LRP1B: variants seen among roughly 807,000 people sequenced by gnomAD.
LRP1B encodes LDL receptor related protein 1B.
LRP1B carries 217 observed loss-of-function variants against 556.6 expected under a neutral mutation model. The observed-to-expected ratio is 0.39, with a 90% CI of 0.35 to 0.44. The LOEUF (loss-of-function observed/expected upper bound fraction) is 0.44, where lower values mean the gene tolerates loss of function less well. Ranked by LOEUF, LRP1B falls within the 20% of genes least tolerant of loss-of-function variation. LRP1B has a pLI of 1.00. For synonymous variants in LRP1B, 2,047 were observed against 1,865.8 expected (o/e 1.10, Z -2.50); for missense variants, 5,053 against 5,620.8 (o/e 0.90, Z 3.23).
At chr2:141,216,136 G>C (rs775140439) in intron 6 of LRP1B, among the ~76,000 whole-genome samples, 1 of 152,156 alleles carries the variant, frequency 6.6e-6, no homozygotes, top group Non-Finnish European at 1.5e-5. Flanking sequence ...CTGCTGCTCT[G>C]CACAGCCTCA....
intron 3 of LRP1B, among the ~76,000 whole-genome samples, chr2:141,332,075 T>C (rs536518344): frequency 1.3e-5 from 2 of 152,278 alleles, no homozygotes; most frequent in African/African-American, 4.8e-5. Flanking sequence ...TATATGCTGA[T>C]CTTGGCAACT....
At chr2:140,744,530 C>T (rs1180126240) in intron 35 of LRP1B, among the ~76,000 whole-genome samples, 2 of 152,158 alleles carry the variant, frequency 1.3e-5, no homozygotes, top group African/African-American at 4.8e-5. Flanking sequence ...TGTCAGCCGG[C>T]TCACAGAGCG....
chr2:141,597,058 A>G (rs1357231904), intron 2 of LRP1B, among the ~76,000 whole-genome samples: 1 of 62,178 alleles, frequency 1.6e-5, no homozygotes, highest in African/African-American at 1.8e-4. Flanking sequence ...GACATTTTAC[A>G]CACACACACA....
chr2:140,617,178 TTTTC>T (rs1309785440), intron 41 of LRP1B, among the ~76,000 whole-genome samples: 9 of 151,938 alleles, frequency 5.9e-5, no homozygotes, highest in Admixed American at 5.3e-4. Flanking sequence ...TTGATTGCTC[TTTTC>T]TTTTTCTTTT....
chr2:140,748,136 T>A (rs201715706), intron 35 of LRP1B, among the ~76,000 whole-genome samples: 15,355 of 34,978 alleles, frequency 0.44, 2,242 homozygotes, highest in Middle Eastern at 0.55. Flanking sequence ...TATATATATA[T>A]AATTCATATA....
At chr2:140,234,999 C>T (rs1558915427) in intron 89 of LRP1B, 115 bp from the exon 90 acceptor site, 3 of 529,374 alleles carry the variant, frequency 5.7e-6, no homozygotes, top group Non-Finnish European at 1.0e-5. Context: ...AGCCTTACAC[C>T]ATTTACAGTG....
At chr2:141,837,667 C>A (rs1697331390) in intron 1 of LRP1B, among the ~76,000 whole-genome samples, 1 of 152,048 alleles carries the variant, frequency 6.6e-6, no homozygotes, top group South Asian at 2.1e-4. Context: ...ATCTCAGTAT[C>A]TACCAAAGCA....
chr2:141,134,932 T>C (rs900767667), intron 7 of LRP1B, among the ~76,000 whole-genome samples: 5 of 151,912 alleles, frequency 3.3e-5, no homozygotes, highest in African/African-American at 1.2e-4. Flanking sequence ...TATATATATA[T>C]ATATTTGCCC....
intron 35 of LRP1B, among the ~76,000 whole-genome samples, chr2:140,742,113 A>G (rs1003592559): frequency 2.6e-5 from 4 of 152,234 alleles, no homozygotes; most frequent in African/African-American, 9.6e-5. Flanking sequence ...TTAAGAATGG[A>G]GCATCTAAAT....
chr2:140,705,700 A>T (rs78700682), intron 37 of LRP1B, among the ~76,000 whole-genome samples: 2,353 of 151,804 alleles, frequency 0.016, 59 homozygotes, highest in African/African-American at 0.055. Context: ...TGTAAAAAAA[A>T]ATGCATAAAA....
At chr2:141,442,967 T>G (rs1448122758) in intron 3 of LRP1B, among the ~76,000 whole-genome samples, 1 of 152,128 alleles carries the variant, frequency 6.6e-6, no homozygotes, top group Non-Finnish European at 1.5e-5. Flanking sequence ...CTGGGTCAAA[T>G]GGTATTTCTG....
intron 1 of LRP1B, among the ~76,000 whole-genome samples, chr2:142,002,571 C>A (rs925781988): frequency 6.6e-6 from 1 of 151,048 alleles, no homozygotes; most frequent in East Asian, 1.9e-4. Context: ...TTCATTGAGG[C>A]CTGTCAGATT....
chr2:140,477,544 C>T (rs1218663673), intron 59 of LRP1B, among the ~76,000 whole-genome samples: 2 of 152,008 alleles, frequency 1.3e-5, no homozygotes, highest in Admixed American at 1.3e-4. Context: ...TAAATTTGAT[C>T]AGTACATGTG....
At chr2:140,731,764 C>CAA (rs36060787) in intron 35 of LRP1B, among the ~76,000 whole-genome samples, 4,075 of 59,364 alleles carry the variant, frequency 0.069, 469 homozygotes, top group African/African-American at 0.14. Context: ...GAGACTCCGT[C>CAA]AAAAAAAAAA....
chr2:140,370,592 A>G, intron 71 of LRP1B, 118 bp downstream of exon 71: 1 of 1,335,638 alleles, frequency 7.5e-7, no homozygotes, highest in Non-Finnish European at 1.0e-6. Flanking sequence ...AACTTGGAAG[A>G]GTAAAGAGAA....
intron 43 of LRP1B, among the ~76,000 whole-genome samples, chr2:140,578,073 T>C (rs1240701912): frequency 6.6e-6 from 1 of 152,216 alleles, no homozygotes; most frequent in Non-Finnish European, 1.5e-5. Flanking sequence ...TCATGATGCA[T>C]ATTTCTAACT....
At chr2:140,846,642 A>G (rs17576955) in intron 29 of LRP1B, among the ~76,000 whole-genome samples, 7,537 of 152,144 alleles carry the variant, frequency 0.05, 228 homozygotes, top group Admixed American at 0.075. Flanking sequence ...TTGGGGCCCA[A>G]TTTTTGAAGC....
At chr2:141,113,658 G>A (rs990951020) in intron 7 of LRP1B, among the ~76,000 whole-genome samples, 2 of 151,996 alleles carry the variant, frequency 1.3e-5, no homozygotes, top group Admixed American at 1.3e-4. Flanking sequence ...ATGCTAAAAT[G>A]TATGGAAAGA....
At chr2:142,096,778 G>A (rs897957337) in intron 1 of LRP1B, among the ~76,000 whole-genome samples, 2 of 151,368 alleles carry the variant, frequency 1.3e-5, no homozygotes, top group African/African-American at 4.8e-5. Context: ...TTGTTACCTG[G>A]TATATTGCAT....
Sources: allele counts gnomAD v4.1 joint callset (sites outside exome capture counted in the v4.1 genomes callset), GRCh38; gene constraint gnomAD v4.1.1; transcripts MANE v1.5; gene names NCBI Gene and HGNC (gene_info 2026-07-23, HGNC 2026-07-21).